The following MSRA variants were observed in gnomAD, a reference collection of about 807,000 sequenced individuals.
MSRA encodes the protein methionine sulfoxide reductase A, also known as mitochondrial peptide methionine sulfoxide reductase.
Under a neutral mutation model 31.3 loss-of-function variants are expected in MSRA, and 54 were observed. That is an observed-to-expected ratio of 1.73 (90% confidence interval 1.39 to 2.17). The LOEUF (loss-of-function observed/expected upper bound fraction) is 2.17, where lower values mean the gene tolerates loss of function less well. Among genes scored for constraint, MSRA ranks in the 30% most tolerant of loss-of-function variants. The pLI is 0.00. For missense variants in MSRA, 507 were observed against 300.9 expected, an observed-to-expected ratio of 1.69 and a Z score of -5.07; for synonymous variants, 169 against 116.5, an observed-to-expected ratio of 1.45 and a Z score of -2.90.
intron 2 of MSRA, among the ~76,000 whole-genome samples, chr8:10,231,932 A>C (rs1057161117): frequency 6.7e-6 from 1 of 148,990 alleles, no homozygotes; most frequent in Non-Finnish European, 1.5e-5. Flanking sequence ...AATAAAAATA[A>C]AAGGGTAAAC....
chr8:10,347,616 G>A (rs1803866011), intron 5 of MSRA, among the ~76,000 whole-genome samples: 2 of 152,078 alleles, frequency 1.3e-5, no homozygotes, highest in African/African-American at 2.4e-5. Flanking sequence ...TCACCCTCTC[G>A]AATCCATCCT....
At chr8:10,126,536 G>A (rs1218773426) in intron 1 of MSRA, among the ~76,000 whole-genome samples, 2 of 152,054 alleles carry the variant, frequency 1.3e-5, no homozygotes, top group Non-Finnish European at 2.9e-5. Context: ...TTTCTTTTGA[G>A]ATGGGGTCTT....
chr8:10,420,440 C>T (rs1270171660), intron 5 of MSRA, among the ~76,000 whole-genome samples: 1 of 151,976 alleles, frequency 6.6e-6, no homozygotes. Context: ...AACAAACTAC[C>T]CCAAAACTTA....
intron 5 of MSRA, among the ~76,000 whole-genome samples, chr8:10,341,667 G>C (rs1319859704): frequency 6.6e-6 from 1 of 152,150 alleles, no homozygotes; most frequent in Non-Finnish European, 1.5e-5. Flanking sequence ...AGCCTGGATA[G>C]GTAACTTAAC....
At chr8:10,065,726 A>G (rs1186381019) in intron 1 of MSRA, among the ~76,000 whole-genome samples, 1 of 152,190 alleles carries the variant, frequency 6.6e-6, no homozygotes, top group African/African-American at 2.4e-5. Context: ...TTGCGTGTAC[A>G]TTTGCTTCCG....
chr8:10,115,678 CAAG>C (rs1800623468), intron 1 of MSRA, among the ~76,000 whole-genome samples: 1 of 152,100 alleles, frequency 6.6e-6, no homozygotes, highest in Non-Finnish European at 1.5e-5. Context: ...TCTGGGCAGA[CAAG>C]AGATTTCCAT....
intron 1 of MSRA, chr8:10,095,587 A>T (rs547071208): frequency 2.0e-6 from 2 of 986,384 alleles, no homozygotes; most frequent in South Asian, 9.4e-5. Flanking sequence ...AGAGAGGCAG[A>T]GGGAGAGCTG....
intron 1 of MSRA, among the ~76,000 whole-genome samples, chr8:10,200,023 C>G (rs1455101233): frequency 1.3e-5 from 2 of 152,180 alleles, no homozygotes; most frequent in African/African-American, 2.4e-5. Context: ...TCTGCCCATC[C>G]TATTGTGACC....
chr8:10,331,315 C>G (rs372058262), intron 5 of MSRA, among the ~76,000 whole-genome samples: 1 of 152,226 alleles, frequency 6.6e-6, no homozygotes, highest in Non-Finnish European at 1.5e-5. Flanking sequence ...GGCTGGAGCC[C>G]TGGCTCTGCC....
At chr8:10,376,304 G>GAACA (rs1180809145) in intron 5 of MSRA, among the ~76,000 whole-genome samples, 1 of 152,278 alleles carries the variant, frequency 6.6e-6, no homozygotes, top group East Asian at 1.9e-4. Flanking sequence ...ATGCAGCCAG[G>GAACA]AACAGCAAAT....
chr8:10,252,051 A>G (rs888161060), intron 3 of MSRA, among the ~76,000 whole-genome samples: 3 of 152,216 alleles, frequency 2.0e-5, no homozygotes, highest in African/African-American at 7.2e-5. Context: ...TGGAGAGGCC[A>G]TTCACAGCTT....
intron 5 of MSRA, among the ~76,000 whole-genome samples, chr8:10,393,459 TTGG>T (rs1806890288): frequency 6.6e-6 from 1 of 152,166 alleles, no homozygotes; most frequent in Admixed American, 6.5e-5. Context: ...TTGAAGGAAA[TTGG>T]CACAAACATT....
At chr8:10,218,636 A>C (rs1810219578) in intron 2 of MSRA, among the ~76,000 whole-genome samples, 1 of 152,212 alleles carries the variant, frequency 6.6e-6, no homozygotes. Flanking sequence ...TGAAGAAAGC[A>C]GGATAAGTGG....
Position 10,207,831 on chromosome 8 carries a change from A to G in MSRA, c.143-2A>G. The G allele has an allele frequency of 6.3e-7, 1 of 1,591,066 alleles. No homozygotes were observed. The highest frequency in any genetic ancestry group is 8.5e-7 in the Non-Finnish European group (1 of 1,171,030). On this transcript the variant is annotated splice_acceptor_variant, in intron 1 of 5. Transcript: ENST00000317173. LOFTEE classifies it high-confidence loss of function. ...CTTGCATTTCTTTTTTTTTTTTTCT[A>G]GCCAAACATCATGTCAATGGCAACA...
intron 5 of MSRA, among the ~76,000 whole-genome samples, chr8:10,340,817 A>G (rs984595193): frequency 2.6e-5 from 4 of 152,278 alleles, no homozygotes; most frequent in South Asian, 2.1e-4. Flanking sequence ...CTGCAAAGGC[A>G]TCAGCAAAGA....
chr8:10,187,634 C>T (rs1807165969), intron 1 of MSRA, among the ~76,000 whole-genome samples: 1 of 152,154 alleles, frequency 6.6e-6, no homozygotes, highest in Non-Finnish European at 1.5e-5. Context: ...GCATGACTTC[C>T]TGGTTTGTAT....
chr8:10,090,846 G>T (rs1798816588), intron 1 of MSRA, among the ~76,000 whole-genome samples: 1 of 152,290 alleles, frequency 6.6e-6, no homozygotes, highest in Admixed American at 6.5e-5. Flanking sequence ...GCCCATCCAT[G>T]CCATTGCATG....
rs964856164 is a variant in MSRA, at chr8:10,203,670, G to A, written c.143-4163G>A. Among the ~76,000 whole-genome samples, 3 of 152,216 alleles carry A rather than the reference G, an allele frequency of 2.0e-5. No homozygotes were observed. The South Asian group carries it at 6.2e-4, about 32-fold the overall frequency. On this transcript the variant is annotated intron_variant, in intron 1 of 5. Coordinates refer to ENST00000317173, the MANE Select transcript of MSRA (RefSeq NM_012331.5). Reference sequence around the variant, plus strand: ...GTTGATAATCATCATAAACAATGATGTTACTGGCTTATGTATTTGCTATAC... The same window carrying A: ...GTTGATAATCATCATAAACAATGATATTACTGGCTTATGTATTTGCTATAC...
intron 5 of MSRA, among the ~76,000 whole-genome samples, chr8:10,425,803 G>A (rs927471514): frequency 6.6e-6 from 1 of 152,242 alleles, no homozygotes; most frequent in Non-Finnish European, 1.5e-5. Context: ...TCCCACTGGC[G>A]TTGTGAACCC....
Sources: gnomAD v4.1 joint callset for allele counts (sites outside exome capture counted in the v4.1 genomes callset) on GRCh38, gnomAD v4.1.1 for gene constraint, MANE v1.5 for transcripts, NCBI Gene and HGNC (gene_info 2026-07-23, HGNC 2026-07-21) for gene names.